The following SEMA3F variants were observed in gnomAD, a reference collection of about 807,000 sequenced individuals.
SEMA3F encodes the protein semaphorin 3F, also known as semaphorin-3F.
In SEMA3F, 30 loss-of-function variants were observed where a neutral mutation model predicts 98.5. That is an observed-to-expected ratio of 0.30 (90% CI 0.23 to 0.41). SEMA3F has a LOEUF of 0.41. Among genes scored for constraint, SEMA3F ranks in the 10% least tolerant of loss-of-function variants. SEMA3F has a pLI of 1.00. For synonymous variants in SEMA3F, 380 were observed against 444.8 expected, an observed-to-expected ratio of 0.85 and a Z score of 1.83; for missense variants, 866 against 1,119.3, an observed-to-expected ratio of 0.77 and a Z score of 3.23.
At chr3:50,179,091 G>A (rs2109102494) in intron 7 of SEMA3F, among the ~76,000 whole-genome samples, 2 of 152,124 alleles carry the variant, frequency 1.3e-5, no homozygotes, top group South Asian at 4.1e-4. Context: ...CCAAAGTGCT[G>A]GGATTACAGG....
intron 2 of SEMA3F, among the ~76,000 whole-genome samples, chr3:50,172,204 CAT>C (rs1427691603): frequency 3.3e-5 from 5 of 152,302 alleles, no homozygotes; most frequent in East Asian, 1.9e-4. Context: ...GTGAGTGCCT[CAT>C]GTGTGGTAGG....
At chr3:50,176,619 G>T (rs1446244709) in intron 6 of SEMA3F, 149 bp from the exon 7 acceptor site, 1 of 642,816 alleles carries the variant, frequency 1.6e-6, no homozygotes, top group Non-Finnish European at 2.8e-6. Context: ...TGGCTGGATG[G>T]AGTTTAAGGC....
rs756763223 is a variant in SEMA3F at position 50,186,323 on chromosome 3, G to A, written c.1788G>A (p.Arg596=). The change falls in exon 17 of 19, where the codon AGG becomes AGA. Residue 596 remains arginine, a synonymous_variant. Coordinates refer to ENST00000002829, the MANE Select transcript of SEMA3F (RefSeq NM_004186.5). The part of the protein sequence containing the change: ...RQDVRHGNPI[R]QCRGFNSNAN... The stretch of plus-strand genomic sequence containing the variant: ...ACGTCCGGCACGGAAACCCCATCAG[G>A]CAGTGCCGTGGGTTCAACTCCAATG... 5 of 1,613,844 alleles carry A rather than the reference G, an allele frequency of 3.1e-6. No individual in the cohort carries two copies. The highest frequency in any genetic ancestry group is 2.2e-5 in the South Asian group (2 of 91,068).
At chr3:50,164,178 C>G (rs544610362) in intron 2 of SEMA3F, among the ~76,000 whole-genome samples, 1 of 152,340 alleles carries the variant, frequency 6.6e-6, no homozygotes, top group African/African-American at 2.4e-5. Context: ...GGGACCTCCA[C>G]TGTCTGGGCC....
chr3:50,157,911 G>A (rs952479637), intron 1 of SEMA3F, among the ~76,000 whole-genome samples: 17 of 152,152 alleles, frequency 1.1e-4, no homozygotes, highest in Admixed American at 2.0e-4. Context: ...ACATAGTATC[G>A]AAGCTCTCTG....
In SEMA3F at chr3:50,159,859, T is replaced by G. The variant is rs1307446402; in HGVS notation, c.112+125T>G. 42 of 687,824 alleles carry G rather than the reference T, an allele frequency of 6.1e-5. No homozygotes were observed. The East Asian group carries it at 1.2e-3, about 20-fold the overall frequency. The allele number at this position is 687,824 out of a possible 1,614,324, so 42.6% of individuals were successfully genotyped here. On this transcript the variant is annotated intron_variant, in intron 2 of 18. Coordinates refer to ENST00000002829, the MANE Select transcript of SEMA3F (RefSeq NM_004186.5). ...GGACAAATTGTACAGCCACATAGGT[T>G]GTGGGGGAGAAGGGAGACCGGGGAG...
chr3:50,168,471 G>A (rs1698484266), intron 2 of SEMA3F, among the ~76,000 whole-genome samples: 1 of 152,108 alleles, frequency 6.6e-6, no homozygotes, highest in Non-Finnish European at 1.5e-5. Flanking sequence ...CCCTGGGTTG[G>A]CCTGATCAGG....
chr3:50,178,842 T>C (rs1698915143), intron 7 of SEMA3F, among the ~76,000 whole-genome samples: 1 of 137,962 alleles, frequency 7.2e-6, no homozygotes, highest in South Asian at 2.5e-4. Flanking sequence ...TTTTTTTTTT[T>C]TTTTTTTGAG....
chr3:50,181,189 C>T (rs1575402873), intron 7 of SEMA3F, among the ~76,000 whole-genome samples: 1 of 152,222 alleles, frequency 6.6e-6, no homozygotes, highest in African/African-American at 2.4e-5. Flanking sequence ...ACAAACCTTC[C>T]TTCTGTAAAA....
chr3:50,182,580 G>A lies in SEMA3F; in HGVS notation c.764-64G>A. 13 of 1,593,882 alleles carry A rather than the reference G, an allele frequency of 8.2e-6. No homozygotes were observed. The highest frequency in any genetic ancestry group is 1.1e-5 in the Non-Finnish European group (13 of 1,166,722). ...GTTCTTGCACCTGGCTGGGGATTCT[G>A]TTGGAGAACATCAGGGGCACCATCA... On this transcript the variant is annotated intron_variant, in intron 8 of 18. Transcript: ENST00000002829. This position sits in a 1 kb window ranked among gnomAD's most constrained non-coding sequence, Gnocchi z 4.5.
rs971093970 is a variant in SEMA3F, at chr3:50,166,206, A to G, written c.112+6472A>G. Reference sequence around the variant, plus strand: ...CCTCGGACGTCTCTGTACCCAGCCAAGAGCCTTGTTCCTTCCCACTTGGGG... The same window carrying G: ...CCTCGGACGTCTCTGTACCCAGCCAGGAGCCTTGTTCCTTCCCACTTGGGG... On this transcript the variant is annotated intron_variant, in intron 2 of 18. Transcript: ENST00000002829. The surrounding 1 kb of genome is among the most constrained non-coding windows in gnomAD (Gnocchi z 4.7). Among the ~76,000 whole-genome samples, 7 of 151,818 alleles carry G rather than the reference A, an allele frequency of 4.6e-5. No homozygotes were observed. The South Asian group carries it at 6.3e-4, about 14-fold the overall frequency.
chr3:50,182,694 G>T lies in SEMA3F; in HGVS notation c.814G>T (p.Asp272Tyr). The change falls in exon 9 of 19, where the codon GAT (aspartate) becomes TAT (tyrosine). Residue 272 changes from aspartate to tyrosine, a missense_variant. Asp to Tyr is a radical substitution (Grantham distance 160). Coordinates refer to ENST00000002829, the MANE Select transcript of SEMA3F (RefSeq NM_004186.5). This position sits in a 1 kb window ranked among gnomAD's most constrained non-coding sequence, Gnocchi z 4.5. ...ELIPDSAERNDDKLYFFFRER... is the reference protein window; with the variant it reads ...ELIPDSAERNYDKLYFFFRER... Reference sequence around the variant, plus strand: ...CATTCCTGACAGTGCGGAGCGCAATGATGATAAGCTTTACTTCTTCTTCCG... The same window carrying T: ...CATTCCTGACAGTGCGGAGCGCAATTATGATAAGCTTTACTTCTTCTTCCG... 6.2e-7 allele frequency: 1 copy of T among 1,613,716 alleles called. No homozygotes were observed. Among genetic ancestry groups the T allele is most frequent in the South Asian group, 1.1e-5 (1 of 91,076 alleles).
rs1698825116 is a variant in SEMA3F at position 50,176,699 on chromosome 3, CT to C, written c.550-68del. On this transcript the variant is annotated intron_variant, in intron 6 of 18. Transcript: ENST00000002829. Reference sequence around the variant, plus strand: ...GGGGGCTCATTCTCACCCTGGGAGCCTGGTGACCCTTACACTTCCTGGCTGG... The same window carrying C: ...GGGGGCTCATTCTCACCCTGGGAGCCGGTGACCCTTACACTTCCTGGCTGG... 3.5e-6 allele frequency: 4 copies of C among 1,137,130 alleles called. No individual in the cohort carries two copies. The South Asian group carries it at 4.9e-5, about 14-fold the overall frequency. 70.4% of individuals were successfully genotyped at this position (1,137,130 alleles called of 1,614,324 possible).
chr3:50,180,703 T>A (rs1376228470), intron 7 of SEMA3F, among the ~76,000 whole-genome samples: 1 of 152,132 alleles, frequency 6.6e-6, no homozygotes, highest in East Asian at 1.9e-4. Flanking sequence ...CCCGAAATAA[T>A]TGCAATAGTA....
At chr3:50,157,508 G>T (rs1698033619) in intron 1 of SEMA3F, among the ~76,000 whole-genome samples, 1 of 152,050 alleles carries the variant, frequency 6.6e-6, no homozygotes, top group Non-Finnish European at 1.5e-5. Context: ...CTTTTCTGGG[G>T]CTGGGGCTGG....
intron 12 of SEMA3F, 192 bp from the exon 13 acceptor site, chr3:50,184,400 G>T (rs1699131908): frequency 1.2e-5 from 7 of 593,432 alleles, no homozygotes; most frequent in Non-Finnish European, 2.1e-5. Context: ...TGTGGCATTT[G>T]GCCACCTGGG....
At chr3:50,171,386 C>T (rs2518795) in intron 2 of SEMA3F, among the ~76,000 whole-genome samples, 61,954 of 151,966 alleles carry the variant, frequency 0.41, 13,614 homozygotes, top group African/African-American at 0.53. Flanking sequence ...CCCAAGGCTG[C>T]GCAGGGTTGG....
At chr3:50,181,066 C>CAA (rs74579972) in intron 7 of SEMA3F, among the ~76,000 whole-genome samples, 36 of 95,450 alleles carry the variant, frequency 3.8e-4, no homozygotes, top group Admixed American at 5.8e-4. Context: ...GACTCCATCT[C>CAA]AAAAAAAAAA....
chr3:50,187,455 G>C (rs995284826), intron 18 of SEMA3F, among the ~76,000 whole-genome samples: 1 of 147,408 alleles, frequency 6.8e-6, no homozygotes, highest in African/African-American at 2.5e-5. Flanking sequence ...AAGGAATTCT[G>C]TGTGTGCTTC....
Sources: gnomAD v4.1 joint callset for allele counts (sites outside exome capture counted in the v4.1 genomes callset) on GRCh38, gnomAD v4.1.1 for gene constraint, Gnocchi (gnomAD v3.1) non-coding constraint, MANE v1.5 for transcripts, NCBI Gene and HGNC (gene_info 2026-07-23, HGNC 2026-07-21) for gene names.